TMCO1: variants seen among roughly 807,000 people sequenced by gnomAD.
TMCO1 encodes calcium load-activated calcium channel.
Under a neutral mutation model 29.3 loss-of-function variants are expected in TMCO1, and 29 were observed. The ratio of observed to expected loss-of-function variants is 0.99; its 90% CI spans 0.74 to 1.35. The LOEUF (loss-of-function observed/expected upper bound fraction) is 1.35, where lower values mean the gene tolerates loss of function less well. Among genes scored for constraint, TMCO1 ranks in the 40% most tolerant of loss-of-function variants. TMCO1 has a pLI of 0.00. For synonymous variants in TMCO1, 80 were observed against 77.1 expected, an observed-to-expected ratio of 1.04 and a Z score of -0.20; for missense variants, 173 against 225.5, an observed-to-expected ratio of 0.77 and a Z score of 1.49.
chr1:165,763,026 C>T (rs901532465), intron 2 of TMCO1, among the ~76,000 whole-genome samples: 1 of 152,148 alleles, frequency 6.6e-6, no homozygotes, highest in Non-Finnish European at 1.5e-5. Context: ...AAAGCATTTC[C>T]TTTTGTTAAA....
intron 4 of TMCO1, among the ~76,000 whole-genome samples, chr1:165,753,193 C>T (rs1308681123): frequency 6.6e-6 from 1 of 152,048 alleles, no homozygotes; most frequent in Non-Finnish European, 1.5e-5. Flanking sequence ...AACAAAAGAG[C>T]CAGGCACGGT....
downstream of TMCO1, chr1:165,726,333 C>T (rs761604440): frequency 8.9e-5 from 61 of 686,314 alleles, no homozygotes; most frequent in African/African-American, 1.4e-4. Context: ...TTTCCACCCA[C>T]GTTGACTACT....
intron 6 of TMCO1, among the ~76,000 whole-genome samples, chr1:165,742,734 A>G (rs1471429405): frequency 6.6e-6 from 1 of 152,246 alleles, no homozygotes; most frequent in Admixed American, 6.5e-5. Context: ...CAAGTTGGCC[A>G]AATGTAAATT....
chr1:165,730,168 ACACAC>A (rs1224678284), intron 6 of TMCO1, among the ~76,000 whole-genome samples: 6 of 107,584 alleles, frequency 5.6e-5, no homozygotes, highest in African/African-American at 1.9e-4. Flanking sequence ...AAAAATACAC[ACACAC>A]AAAAAAAAAA....
chr1:165,740,378 A>AT (rs960656694), intron 6 of TMCO1, among the ~76,000 whole-genome samples: 6 of 150,488 alleles, frequency 4.0e-5, no homozygotes, highest in South Asian at 2.1e-4. Context: ...TTTTCTTTGT[A>AT]TTTTTTTTAG....
intron 6 of TMCO1, among the ~76,000 whole-genome samples, chr1:165,735,117 G>T (rs372943716): frequency 6.6e-6 from 1 of 152,128 alleles, no homozygotes; most frequent in East Asian, 1.9e-4. Flanking sequence ...TTTCTGCTGC[G>T]GTCAGGAGAT....
intron 1 of TMCO1, chr1:165,768,471 G>A: frequency 3.2e-6 from 5 of 1,540,988 alleles, no homozygotes; most frequent in Non-Finnish European, 4.4e-6. Flanking sequence ...AAATACCCAA[G>A]TGAAATCTAC....
intron 3 of TMCO1, among the ~76,000 whole-genome samples, chr1:165,759,148 T>C (rs905904583): frequency 6.6e-6 from 1 of 152,144 alleles, no homozygotes; most frequent in Non-Finnish European, 1.5e-5. Flanking sequence ...CCATCACTAG[T>C]CAATACTCAG....
intron 2 of TMCO1, among the ~76,000 whole-genome samples, chr1:165,766,481 A>G (rs1245175318): frequency 6.6e-6 from 1 of 152,326 alleles, no homozygotes; most frequent in East Asian, 1.9e-4. Context: ...ACCATCAAGT[A>G]AATTGCAGAA....
intron 6 of TMCO1, among the ~76,000 whole-genome samples, chr1:165,728,640 G>A (rs985553241): frequency 1.3e-5 from 2 of 152,056 alleles, no homozygotes; most frequent in African/African-American, 4.8e-5. Flanking sequence ...TGAGACCTTG[G>A]TCTACTAATG....
downstream of TMCO1, chr1:165,724,779 T>C (rs1024445928): frequency 4.4e-6 from 2 of 453,882 alleles, no homozygotes; most frequent in East Asian, 6.9e-5. Context: ...TATTAAGGAA[T>C]TGTCCATTTT....
chr1:165,768,104 CAGCTGGTGCTCTTAAA>C, intron 2 of TMCO1, 72 bp downstream of exon 2: 1 of 1,135,730 alleles, frequency 8.8e-7, no homozygotes, highest in Non-Finnish European at 1.3e-6. Context: ...ATCTTTGTAT[CAGCTGGTGCTCTTAAA>C]ATATTTATTG....
rs1650969394 is a variant in TMCO1, at chr1:165,727,892, G to A, written c.*131C>T. ...ATTTTCACTCTAATCATACCCAAAA[G>A]GCTTAGAAATAATTCAAAACTAGAA... On this transcript the variant is annotated 3_prime_UTR_variant, in exon 7 of 7. Coordinates refer to ENST00000367881, the MANE Select transcript of TMCO1 (RefSeq NM_019026.6). The A allele has an allele frequency of 1.5e-6, 1 of 661,934 alleles. No homozygotes were observed. Among genetic ancestry groups the A allele is most frequent in the Non-Finnish European group, 2.7e-6 (1 of 374,256 alleles). 41.0% of individuals were successfully genotyped at this position (661,934 alleles called of 1,614,324 possible).
intron 6 of TMCO1, among the ~76,000 whole-genome samples, chr1:165,734,163 T>A (rs1651280415): frequency 6.6e-6 from 1 of 152,214 alleles, no homozygotes; most frequent in Admixed American, 6.5e-5. Context: ...GTATATAAAA[T>A]CTAATCACTT....
intron 5 of TMCO1, among the ~76,000 whole-genome samples, chr1:165,743,921 C>T (rs10918272): frequency 0.21 from 30,837 of 149,640 alleles, 3,313 homozygotes; most frequent in South Asian, 0.36. Flanking sequence ...AGTGCAGTGT[C>T]GCCGTCTCAG....
In TMCO1 at chr1:165,768,579, C is replaced by G; in HGVS notation, c.70+103G>C. On this transcript the variant is annotated intron_variant, in intron 1 of 6. Transcript: ENST00000367881. ...TCCCTGAAGTGGAGTAGATGAGCCT[C>G]TCAAGCAAGTAAGGCTCGCGATCTT... 3 of 1,594,692 alleles carry G rather than the reference C, an allele frequency of 1.9e-6. No individual in the cohort carries two copies. The highest frequency in any genetic ancestry group is 2.6e-6 in the Non-Finnish European group (3 of 1,169,582).
At chr1:165,732,477 TTCTC>T (rs143135718) in intron 6 of TMCO1, among the ~76,000 whole-genome samples, 5,684 of 143,996 alleles carry the variant, frequency 0.039, 147 homozygotes, top group Middle Eastern at 0.064. Flanking sequence ...AGCAAATGGT[TTCTC>T]TCTCTCTCTC....
Position 165,732,945 on chromosome 1 carries a change from T to C in TMCO1, c.469-4824A>G, listed in dbSNP as rs549476074. 5.3e-5 allele frequency among the ~76,000 whole-genome samples: 8 copies of C among 152,324 alleles called. No individual in the cohort carries two copies. In the East Asian group the frequency reaches 1.5e-3, roughly 29 times the overall value. ...TAAAGAAAAATATTCCTGTGGGTGC[T>C]ATTTTAAAGTGAAGGTCATAGTATG... is the stretch of plus-strand genomic sequence containing the variant. On this transcript the variant is annotated intron_variant, in intron 6 of 6. Coordinates refer to ENST00000367881, the MANE Select transcript of TMCO1 (RefSeq NM_019026.6).
chr1:165,736,730 A>C (rs7418621), intron 6 of TMCO1, among the ~76,000 whole-genome samples: 3,586 of 150,652 alleles, frequency 0.024, 63 homozygotes, highest in Admixed American at 0.038. Context: ...CAAAAAAAAA[A>C]AAAACAAAAA....
Sources: gnomAD v4.1 joint callset for allele counts (sites outside exome capture counted in the v4.1 genomes callset) on GRCh38, gnomAD v4.1.1 for gene constraint, MANE v1.5 for transcripts, NCBI Gene and HGNC (gene_info 2026-07-23, HGNC 2026-07-21) for gene names.